The following KCNK10 variants were observed in gnomAD, a reference collection of about 807,000 sequenced individuals.
KCNK10 encodes potassium two pore domain channel subfamily K member 10.
A neutral mutation model predicts 47.7 loss-of-function variants in KCNK10; 25 were observed. That is an observed-to-expected ratio of 0.52 (90% CI 0.38 to 0.73). KCNK10 has a LOEUF of 0.73. KCNK10 is among the 30% of genes least tolerant of loss of function. KCNK10 has a pLI of 0.00. For missense variants in KCNK10, 563 were observed against 714.5 expected, an observed-to-expected ratio of 0.79 and a Z score of 2.42; for synonymous variants, 303 against 285.6, an observed-to-expected ratio of 1.06 and a Z score of -0.61.
chr14:88,238,202 T>C (rs993221457), intron 3 of KCNK10, among the ~76,000 whole-genome samples: 5 of 152,218 alleles, frequency 3.3e-5, no homozygotes, highest in Non-Finnish European at 7.3e-5. Context: ...TTAGCCTTTA[T>C]AGAACTGAAA....
At chr14:88,314,612 T>G (rs1451578391) in intron 1 of KCNK10, among the ~76,000 whole-genome samples, 1 of 152,192 alleles carries the variant, frequency 6.6e-6, no homozygotes, top group Non-Finnish European at 1.5e-5. Context: ...CTAAGAATAC[T>G]AAGAGTCTTC....
intron 2 of KCNK10, among the ~76,000 whole-genome samples, chr14:88,247,626 A>T (rs1886682082): frequency 2.6e-5 from 4 of 152,228 alleles, no homozygotes; most frequent in African/African-American, 9.6e-5. Context: ...GGACAGGGCA[A>T]GTGGAGAATC....
chr14:88,301,246 T>C (rs1440482396), intron 1 of KCNK10, among the ~76,000 whole-genome samples: 2 of 152,286 alleles, frequency 1.3e-5, no homozygotes, highest in East Asian at 3.9e-4. Flanking sequence ...TAACAATAAA[T>C]GTTAGTTATC....
At chr14:88,257,011 G>A (rs1029205578) in intron 2 of KCNK10, among the ~76,000 whole-genome samples, 6 of 152,194 alleles carry the variant, frequency 3.9e-5, no homozygotes, top group African/African-American at 1.2e-4. Context: ...ATTAACCCCC[G>A]AGTCCTGGGG....
At chr14:88,258,428 T>A (rs1595109824) in intron 2 of KCNK10, among the ~76,000 whole-genome samples, 1 of 152,004 alleles carries the variant, frequency 6.6e-6, no homozygotes, top group African/African-American at 2.4e-5. Context: ...GTGGCTGGGA[T>A]TACAGGCACC....
At chr14:88,199,030 C>T (rs1439793857) in intron 4 of KCNK10, among the ~76,000 whole-genome samples, 1 of 151,942 alleles carries the variant, frequency 6.6e-6, no homozygotes, top group Admixed American at 6.6e-5. Context: ...AGCGATTCTC[C>T]TGCCTCAGCC....
At chr14:88,318,564 G>C (rs897185427) in intron 1 of KCNK10, among the ~76,000 whole-genome samples, 1 of 152,192 alleles carries the variant, frequency 6.6e-6, no homozygotes, top group Non-Finnish European at 1.5e-5. Flanking sequence ...TCTGAGCTGA[G>C]ATTCAAATGA....
Position 88,323,151 on chromosome 14 carries a change from G to A in KCNK10, c.-353C>T, listed in dbSNP as rs1322914987. The A allele has an allele frequency of 3.5e-6, 4 of 1,134,420 alleles. No homozygotes were observed. The African/African-American group carries it at 4.8e-5, about 14-fold the overall frequency. The allele number at this position is 1,134,420 out of a possible 1,614,324, so 70.3% of individuals were successfully genotyped here. A position where few individuals can be genotyped will look rare whatever the true frequency, so the allele number is the denominator to read the frequency against. On this transcript the variant is annotated 5_prime_UTR_variant, in exon 1 of 7. Transcript: ENST00000319231. ...GCGGTGCCGGCAGGTTAGGGGCTGC[G>A]CAGCCTGAAGGCTGGGGCTACGGAG...
intron 1 of KCNK10, among the ~76,000 whole-genome samples, 192 bp from the exon 2 acceptor site, chr14:88,263,743 GCACCAGGGGTCC>G (rs1439683074): frequency 6.6e-6 from 1 of 151,514 alleles, no homozygotes; most frequent in South Asian, 2.1e-4. Context: ...TAAAAAATAA[GCACCAGGGGTCC>G]CAGTTTAAAA....
At chr14:88,200,980 C>T (rs1348144551) in intron 4 of KCNK10, among the ~76,000 whole-genome samples, 1 of 152,224 alleles carries the variant, frequency 6.6e-6, no homozygotes, top group African/African-American at 2.4e-5. Context: ...ATTTACTGCT[C>T]ATACCTCAAG....
chr14:88,303,050 G>T (rs182080445), intron 1 of KCNK10, among the ~76,000 whole-genome samples: 1 of 152,114 alleles, frequency 6.6e-6, no homozygotes, highest in Admixed American at 6.5e-5. Flanking sequence ...AATGTGCATG[G>T]GGCTTGCAGG....
chr14:88,294,344 C>A (rs968073559), intron 1 of KCNK10, among the ~76,000 whole-genome samples: 1 of 152,244 alleles, frequency 6.6e-6, no homozygotes, highest in Non-Finnish European at 1.5e-5. Flanking sequence ...GGGTCTGCAG[C>A]CTTTGGCAGC....
intron 4 of KCNK10, among the ~76,000 whole-genome samples, chr14:88,196,927 G>C (rs554302327): frequency 3.9e-5 from 6 of 152,190 alleles, no homozygotes; most frequent in Non-Finnish European, 5.9e-5. Context: ...TGTGGCACTA[G>C]CAATTCTATA....
chr14:88,198,652 C>G (rs767218151), intron 4 of KCNK10, among the ~76,000 whole-genome samples: 40 of 152,274 alleles, frequency 2.6e-4, no homozygotes, highest in South Asian at 6.2e-4. Context: ...CGCCCCAGTG[C>G]TTTCCTTGTA....
chr14:88,224,843 C>T (rs1308080029), intron 4 of KCNK10, among the ~76,000 whole-genome samples: 2 of 152,328 alleles, frequency 1.3e-5, no homozygotes, highest in East Asian at 3.9e-4. Flanking sequence ...CTTCTGACCT[C>T]AGGTGATCCA....
chr14:88,298,312 T>A (rs1888028526), intron 1 of KCNK10, among the ~76,000 whole-genome samples: 2 of 152,330 alleles, frequency 1.3e-5, no homozygotes, highest in Non-Finnish European at 1.5e-5. Context: ...CTATTTATCC[T>A]TGAGTATACT....
At chr14:88,279,680 C>A (rs1353731579) in intron 1 of KCNK10, among the ~76,000 whole-genome samples, 3 of 152,028 alleles carry the variant, frequency 2.0e-5, no homozygotes, top group Admixed American at 1.3e-4. Flanking sequence ...ACAGGAGGAG[C>A]ACAACCATCC....
rs956698540 is a variant in KCNK10, at chr14:88,204,692, A to G, written c.682-12282T>C. Among the ~76,000 whole-genome samples, 8 of 151,954 alleles carry G rather than the reference A, an allele frequency of 5.3e-5. No individual in the cohort carries two copies. The South Asian group carries it at 6.2e-4, about 12-fold the overall frequency. On this transcript the variant is annotated intron_variant, in intron 4 of 6. Coordinates refer to ENST00000319231, the MANE Select transcript of KCNK10 (RefSeq NM_138317.3). ...GACTGGATGGTTTATTGGTGCCCCA[A>G]TACTGCTCCATTTTATACTTCAGTG...
At chr14:88,227,191 C>T (rs763634598) in intron 4 of KCNK10, among the ~76,000 whole-genome samples, 184 bp downstream of exon 4, 11 of 152,208 alleles carry the variant, frequency 7.2e-5, no homozygotes, top group Non-Finnish European at 1.3e-4. Flanking sequence ...TAGGAAGCTA[C>T]TCAAAGAAGG....
Sources: allele counts gnomAD v4.1 joint callset (sites outside exome capture counted in the v4.1 genomes callset), GRCh38; gene constraint gnomAD v4.1.1; transcripts MANE v1.5; gene names NCBI Gene and HGNC (gene_info 2026-07-23, HGNC 2026-07-21).